Variants in ST6GALNAC3 observed in about 807,000 individuals in gnomAD.
The protein encoded by ST6GALNAC3 is alpha-N-acetylgalactosaminide alpha-2,6-sialyltransferase 3.
A neutral mutation model predicts 32.7 loss-of-function variants in ST6GALNAC3; 25 were observed. The observed-to-expected ratio is 0.76, with a 90% CI of 0.56 to 1.07. ST6GALNAC3 has a LOEUF of 1.07. Among genes scored for constraint, ST6GALNAC3 ranks in the 50% least tolerant of loss-of-function variants. The probability of loss-of-function intolerance (pLI) is 0.00; values close to 1 mark genes in which losing one functional copy is unlikely to be tolerated. For missense variants in ST6GALNAC3, 355 were observed against 382.4 expected, an observed-to-expected ratio of 0.93 and a Z score of 0.60; for synonymous variants, 129 against 133.1, an observed-to-expected ratio of 0.97 and a Z score of 0.21.
intron 3 of ST6GALNAC3, among the ~76,000 whole-genome samples, chr1:76,550,952 G>T (rs1180527585): frequency 1.3e-5 from 2 of 151,988 alleles, no homozygotes; most frequent in African/African-American, 2.4e-5. Context: ...TAAAGACAGG[G>T]TTTCACCACG....
At chr1:76,091,451 T>C (rs1647044736) in intron 1 of ST6GALNAC3, among the ~76,000 whole-genome samples, 1 of 152,208 alleles carries the variant, frequency 6.6e-6, no homozygotes, top group Admixed American at 6.5e-5. Context: ...ATGCCTACTG[T>C]TTGTTTCCCT....
rs558906684 is a variant in ST6GALNAC3, at chr1:76,462,188, A to G, written c.623+49771A>G. On this transcript the variant is annotated intron_variant, in intron 3 of 4. Coordinates refer to ENST00000328299, the MANE Select transcript of ST6GALNAC3 (RefSeq NM_152996.4). Reference sequence around the variant, plus strand: ...TACCTCTGTATCTTCAAGACTCAACACAGAACAGGAGTTCAAAGTTTGTGG... The same window carrying G: ...TACCTCTGTATCTTCAAGACTCAACGCAGAACAGGAGTTCAAAGTTTGTGG... 5.9e-5 allele frequency among the ~76,000 whole-genome samples: 9 copies of G among 152,178 alleles called. No individual in the cohort carries two copies. The East Asian group carries it at 1.2e-3, about 20-fold the overall frequency.
rs556779671 is a variant in ST6GALNAC3 at position 76,576,879 on chromosome 1, C to T, written c.624-50573C>T. 59 of 1,304,728 alleles carry T rather than the reference C, an allele frequency of 4.5e-5. 1 individual carries two copies. The South Asian group carries it at 6.8e-4, about 15-fold the overall frequency. The allele number at this position is 1,304,728 out of a possible 1,614,324, so 80.8% of individuals were successfully genotyped here. A position where few individuals can be genotyped will look rare whatever the true frequency, so the allele number is the denominator to read the frequency against. Reference sequence around the variant, plus strand: ...GACCATGCAGTGTTGATTGATCGAACAGCAACCACCACATACATGTCCTGC... The same window carrying T: ...GACCATGCAGTGTTGATTGATCGAATAGCAACCACCACATACATGTCCTGC... On this transcript the variant is annotated intron_variant, in intron 3 of 4. Transcript: ENST00000328299.
chr1:76,121,818 A>G (rs915084510), intron 1 of ST6GALNAC3, among the ~76,000 whole-genome samples: 1 of 152,174 alleles, frequency 6.6e-6, no homozygotes, highest in African/African-American at 2.4e-5. Context: ...TATTCCTTCT[A>G]ATAGTTCTGG....
chr1:76,192,274 A>G (rs1553163921), intron 1 of ST6GALNAC3, among the ~76,000 whole-genome samples: 1 of 152,146 alleles, frequency 6.6e-6, no homozygotes, highest in Non-Finnish European at 1.5e-5. Flanking sequence ...CATTATCCTC[A>G]TGTGAGAGAT....
chr1:76,548,539 AG>A (rs1246816431), intron 3 of ST6GALNAC3, among the ~76,000 whole-genome samples: 1 of 152,176 alleles, frequency 6.6e-6, no homozygotes, highest in Non-Finnish European at 1.5e-5. Flanking sequence ...GCAGGAGTTA[AG>A]GGAGCATAAA....
Position 76,412,023 on chromosome 1 carries a change from T to C in ST6GALNAC3, c.229T>C (p.Cys77Arg). The C allele has an allele frequency of 6.2e-7, 1 of 1,613,298 alleles. No homozygotes were observed. The highest frequency in any genetic ancestry group is 1.1e-5 in the South Asian group (1 of 91,012). Reference sequence around the variant, plus strand: ...TATTTTTCAGCCTTTGCAACTGGACTGTGACCTTTGTGCCATAGTGTCAAA... The same window carrying C: ...TATTTTTCAGCCTTTGCAACTGGACCGTGACCTTTGTGCCATAGTGTCAAA... ...VKTQEPLQLD[C>R]DLCAIVSNSG... is the part of the protein sequence containing the mutation. The change falls in exon 3 of 5, where the codon TGT becomes CGT. Residue 77 changes from cysteine (C) to arginine (R), a missense_variant. By Grantham distance (180) the Cys-to-Arg change is radical. Coordinates refer to ENST00000328299, the MANE Select transcript of ST6GALNAC3 (RefSeq NM_152996.4).
At chr1:76,600,393 G>A (rs61103567) in intron 3 of ST6GALNAC3, among the ~76,000 whole-genome samples, 3,502 of 151,072 alleles carry the variant, frequency 0.023, 138 homozygotes, top group African/African-American at 0.081. Context: ...AAATGGGACC[G>A]CCTTCACCTT....
At chr1:76,409,897 A>C (rs1399962439) in intron 2 of ST6GALNAC3, among the ~76,000 whole-genome samples, 2 of 152,112 alleles carry the variant, frequency 1.3e-5, no homozygotes, top group Admixed American at 1.3e-4. Context: ...AAAAGTTTTT[A>C]AAGCAGTTTG....
intron 1 of ST6GALNAC3, among the ~76,000 whole-genome samples, chr1:76,130,805 G>C (rs1412477465): frequency 6.6e-6 from 1 of 152,228 alleles, no homozygotes; most frequent in Non-Finnish European, 1.5e-5. Context: ...CAGGCAGCTT[G>C]TGTGTCCAGA....
In ST6GALNAC3 at chr1:76,251,552, C is replaced by T. The variant is rs1276265118; in HGVS notation, c.19-62253C>T. 2.0e-5 allele frequency among the ~76,000 whole-genome samples: 3 copies of T among 152,150 alleles called. No homozygotes were observed. The East Asian group carries it at 5.8e-4, about 29-fold the overall frequency. On this transcript the variant is annotated intron_variant, in intron 1 of 4. Coordinates refer to ENST00000328299, the MANE Select transcript of ST6GALNAC3 (RefSeq NM_152996.4). ...GGTCATCTGTACATCCACTCTCTTT[C>T]CTCTCCCTGAAATACCCTTTCTTTT... is the stretch of plus-strand genomic sequence containing the variant.
At chr1:76,554,146 A>ACTC (rs1282976195) in intron 3 of ST6GALNAC3, among the ~76,000 whole-genome samples, 1 of 152,052 alleles carries the variant, frequency 6.6e-6, no homozygotes, top group African/African-American at 2.4e-5. Context: ...AAGATACGGA[A>ACTC]CTCCTGGGAG....
intron 1 of ST6GALNAC3, among the ~76,000 whole-genome samples, chr1:76,113,710 C>G (rs754132002): frequency 6.6e-6 from 1 of 152,108 alleles, no homozygotes; most frequent in Non-Finnish European, 1.5e-5. Context: ...TATCTGTGGC[C>G]AATTGTACCT....
At chr1:76,397,872 C>T (rs1373425273) in intron 2 of ST6GALNAC3, among the ~76,000 whole-genome samples, 1 of 151,892 alleles carries the variant, frequency 6.6e-6, no homozygotes, top group Non-Finnish European at 1.5e-5. Context: ...ATTTTTAATT[C>T]TCCTATTAGT....
intron 1 of ST6GALNAC3, among the ~76,000 whole-genome samples, chr1:76,077,985 A>T (rs1646839891): frequency 6.6e-6 from 1 of 152,234 alleles, no homozygotes; most frequent in African/African-American, 2.4e-5. Flanking sequence ...GTGAAGAATA[A>T]AACTACATAG....
At chr1:76,110,994 G>A (rs187546082) in intron 1 of ST6GALNAC3, among the ~76,000 whole-genome samples, 57 of 152,234 alleles carry the variant, frequency 3.7e-4, no homozygotes, top group African/African-American at 1.3e-3. Context: ...AGACAAGAGA[G>A]GAAAGAGAGA....
At chr1:76,271,699 A>C (rs1322010574) in intron 1 of ST6GALNAC3, among the ~76,000 whole-genome samples, 1 of 152,214 alleles carries the variant, frequency 6.6e-6, no homozygotes, top group Non-Finnish European at 1.5e-5. Flanking sequence ...TGACAGTGAC[A>C]ACTTTATTTA....
At chr1:76,546,723 A>T (rs1184884756) in intron 3 of ST6GALNAC3, among the ~76,000 whole-genome samples, 1 of 152,228 alleles carries the variant, frequency 6.6e-6, no homozygotes, top group African/African-American at 2.4e-5. Context: ...GGCAAATTAA[A>T]TTCAGGCCAG....
At chr1:76,449,805 T>C (rs1348026473) in intron 3 of ST6GALNAC3, among the ~76,000 whole-genome samples, 1 of 152,246 alleles carries the variant, frequency 6.6e-6, no homozygotes, top group Non-Finnish European at 1.5e-5. Context: ...ATTCATTTAT[T>C]TTAATCAATT....
Sources: gnomAD v4.1 joint callset for allele counts (sites outside exome capture counted in the v4.1 genomes callset) on GRCh38, gnomAD v4.1.1 for gene constraint, MANE v1.5 for transcripts, NCBI Gene and HGNC (gene_info 2026-07-23, HGNC 2026-07-21) for gene names.